Variants in AMER1 observed in about 807,000 individuals in gnomAD.
The protein encoded by AMER1 is APC membrane recruitment protein 1, also known as RP11-403E24.2.
A neutral mutation model predicts 53.0 loss-of-function variants in AMER1; 16 were observed. The observed-to-expected ratio is 0.30, with a 90% CI of 0.20 to 0.46. The LOEUF (loss-of-function observed/expected upper bound fraction) is 0.46, where lower values mean the gene tolerates loss of function less well. Ranked by LOEUF, AMER1 falls within the 20% of genes least tolerant of loss-of-function variation. The probability of loss-of-function intolerance (pLI) is 1.00; values close to 1 mark genes in which losing one functional copy is unlikely to be tolerated. For missense variants in AMER1, 947 were observed against 884.9 expected, an observed-to-expected ratio of 1.07 and a Z score of -0.89; for synonymous variants, 354 against 331.9, an observed-to-expected ratio of 1.07 and a Z score of -0.73.
chrX:64,194,013 C>CACAAA (rs1194951359), intron 1 of AMER1, among the ~76,000 whole-genome samples: 7 of 111,956 alleles, frequency 6.3e-5, no homozygotes, highest in African/African-American at 2.0e-4. Flanking sequence ...CTCACACATC[C>CACAAA]ACAAAGTAGG....
intron 1 of AMER1, among the ~76,000 whole-genome samples, chrX:64,203,267 A>G (rs1384880943): frequency 1.8e-5 from 2 of 111,202 alleles, no homozygotes; most frequent in Non-Finnish European, 1.9e-5. Context: ...CTTCTAATCC[A>G]TCCTCATTAG....
In AMER1 at chrX:64,192,224, C is replaced by T. The variant is rs1930265171; in HGVS notation, c.1063G>A (p.Gly355Arg). ...ACCAGGCAGGAACTTCGCTTGGTCC[C>T]ATCTCGGTTTGCTCTCTGGCCCCCA... Reference protein sequence around the residue: ...ASGGQRANRDGTKRSSCLVTY... With the variant: ...ASGGQRANRDRTKRSSCLVTY... Residue 355 changes from glycine to arginine, a missense_variant, in exon 2 of 2, where the codon GGG (glycine) becomes AGG (arginine). Transcript: ENST00000374869. The T allele has an allele frequency of 8.3e-7, 1 of 1,210,584 alleles. No individual in the cohort carries two copies. The highest frequency in any genetic ancestry group is 2.2e-5 in the Admixed American group (1 of 45,893).
At chrX:64,193,547 G>A (rs1930305545) in intron 1 of AMER1, among the ~76,000 whole-genome samples, 163 bp from the exon 2 acceptor site, 1 of 111,940 alleles carries the variant, frequency 8.9e-6, no homozygotes, top group Non-Finnish European at 1.9e-5. Context: ...GGCTTGCTGG[G>A]CCAGCTCTCT....
chrX:64,191,570 G>A lies in AMER1; in HGVS notation c.1717C>T (p.Leu573Phe), dbSNP rs2147087589. 8.2e-7 allele frequency: 1 copy of A among 1,212,351 alleles called. No homozygotes were observed. Among genetic ancestry groups the A allele is most frequent in the Non-Finnish European group, 1.1e-6 (1 of 895,672 alleles). Reference sequence around the variant, plus strand: ...TGGGCCTCAAGCTGCTCCCGCCGAAGCTCCCAATACAACAACTGTTTCTGG... The same window carrying A: ...TGGGCCTCAAGCTGCTCCCGCCGAAACTCCCAATACAACAACTGTTTCTGG... The part of the protein sequence containing the change: ...TIQKQLLYWE[L>F]RREQLEAQEA... Residue 573 changes from leucine (L) to phenylalanine (F), a missense_variant, in exon 2 of 2, where the codon CTT (leucine) becomes TTT (phenylalanine). Physicochemically the swap from Leu to Phe is conservative, Grantham distance 22. Transcript: ENST00000374869.
chrX:64,193,451 T>G (rs1930303110), intron 1 of AMER1, 67 bp from the exon 2 acceptor site: 3 of 755,110 alleles, frequency 4.0e-6, no homozygotes, highest in Non-Finnish European at 3.9e-6. Context: ...AGGCTGGGTT[T>G]GCTTTCACCG....
In AMER1 at chrX:64,189,514, G is replaced by GTGTGTGTGTGTGTGTGTATA. The variant is rs1205241247; in HGVS notation, c.*364_*365insTATACACACACACACACACA. ...TGTGTGTGTGTGTGTGTGTGTGTGT[G>GTGTGTGTGTGTGTGTGTATA]TATATATATATATATATATATATAT... On this transcript the variant is annotated 3_prime_UTR_variant, in exon 2 of 2. Transcript: ENST00000374869. 3.6e-5 allele frequency: 1 copy of GTGTGTGTGTGTGTGTGTATA among 28,071 alleles called. No individual in the cohort carries two copies. Among genetic ancestry groups the GTGTGTGTGTGTGTGTGTATA allele is most frequent in the African/African-American group, 1.7e-4 (1 of 5,948 alleles). The allele number at this position is 28,071 out of a possible 1,213,427, so 2.3% of individuals were successfully genotyped here.
At chrX:64,201,195 A>G (rs772734025) in intron 1 of AMER1, among the ~76,000 whole-genome samples, 4 of 110,985 alleles carry the variant, frequency 3.6e-5, no homozygotes, top group African/African-American at 1.3e-4. Context: ...TGGAGGGAGC[A>G]ACATACTCTT....
At position 64,189,937 on chromosome X, in the gene AMER1, C is replaced by T. The variant is rs1930204514; in HGVS notation, c.3350G>A (p.Gly1117Asp). The change falls in exon 2 of 2, where the codon GGT (glycine) becomes GAT (aspartate). Residue 1117 changes from glycine (G) to aspartate (D), a missense_variant. Transcript: ENST00000374869. ...LDLSKERAEQGASLATSYSST... is the reference protein window; with the variant it reads ...LDLSKERAEQDASLATSYSST... ...GGAGTAGCTGGTGGCAAGAGAGGCA[C>T]CTTGCTCAGCCCTCTCCTTTGACAG... 8.3e-7 allele frequency: 1 copy of T among 1,206,181 alleles called. No homozygotes were observed. The highest frequency in any genetic ancestry group is 1.1e-6 in the Non-Finnish European group (1 of 892,965).
intron 1 of AMER1, 144 bp from the exon 2 acceptor site, chrX:64,193,528 G>T: frequency 2.2e-6 from 1 of 455,591 alleles, no homozygotes; most frequent in Non-Finnish European, 3.8e-6. Flanking sequence ...TAATCCACTC[G>T]ATATGCTTGG....
rs2147083805 is a variant in AMER1, at chrX:64,189,886, G to T, written c.3401C>A (p.Ala1134Asp). The T allele has an allele frequency of 4.5e-6, 5 of 1,122,619 alleles. No homozygotes were observed. Among genetic ancestry groups the T allele is most frequent in the Non-Finnish European group, 5.9e-6 (5 of 842,610 alleles). 92.5% of individuals were successfully genotyped at this position (1,122,619 alleles called of 1,213,427 possible). The change falls in exon 2 of 2, where the codon GCC (alanine) becomes GAC (aspartate). Residue 1134 changes from alanine (A) to aspartate (D), a missense_variant. Transcript: ENST00000374869. ...YSSTAMNGNL[A>D]K ...CTCCAGAATTGATAATAACTACTTGGCTAGGTTTCCATTCATGGCAGTGGA... is the reference window on the plus strand; with the variant it reads ...CTCCAGAATTGATAATAACTACTTGTCTAGGTTTCCATTCATGGCAGTGGA...
chrX:64,198,836 C>A (rs1930429967), intron 1 of AMER1, among the ~76,000 whole-genome samples: 1 of 112,018 alleles, frequency 8.9e-6, no homozygotes, highest in Non-Finnish European at 1.9e-5. Flanking sequence ...CTCTACTCCC[C>A]TTTTCCTTAA....
rs761248346 is a variant in AMER1, at chrX:64,191,649, C to T, written c.1638G>A (p.Leu546=). The T allele has an allele frequency of 8.3e-7, 1 of 1,212,108 alleles. No homozygotes were observed. The highest frequency in any genetic ancestry group is 1.1e-6 in the Non-Finnish European group (1 of 895,577). ...FDPFLNFEPF[L]SSRPPGAMET... ...CCATTGCCCCAGGTGGCCGGGAGGA[C>T]AAAAAGGGCTCAAAGTTTAAGAAGG... The change falls in exon 2 of 2, where the codon TTG becomes TTA. Residue 546 remains leucine, a synonymous_variant. Transcript: ENST00000374869.
chrX:64,196,103 C>G (rs897338727), intron 1 of AMER1, among the ~76,000 whole-genome samples: 3 of 112,124 alleles, frequency 2.7e-5, no homozygotes, highest in Non-Finnish European at 5.6e-5. Flanking sequence ...CTTGCCCTTG[C>G]TCCTATGCTC....
Position 64,192,597 on chromosome X carries a change from G to A in AMER1, c.690C>T (p.Asn230=). Residue 230 remains asparagine, a synonymous_variant, in exon 2 of 2, where the codon AAC becomes AAT. Coordinates refer to ENST00000374869, the MANE Select transcript of AMER1 (RefSeq NM_152424.4). ...CTTTTGGCCCAGGGGCATCTTGGGGGTTAGCATTTTCCTTTCTAGGGGCTT... is the reference window on the plus strand; with the variant it reads ...CTTTTGGCCCAGGGGCATCTTGGGGATTAGCATTTTCCTTTCTAGGGGCTT... ...TFQAPRKENA[N]PQDAPGPKVS... is the part of the protein sequence containing the mutation. The A allele has an allele frequency of 8.4e-7, 1 of 1,184,229 alleles. No individual in the cohort carries two copies. The highest frequency in any genetic ancestry group is 1.1e-6 in the Non-Finnish European group (1 of 885,673).
In AMER1 at chrX:64,189,208, T is replaced by C; in HGVS notation, c.*671A>G. 3 of 799,670 alleles carry C rather than the reference T, an allele frequency of 3.8e-6. No individual in the cohort carries two copies. The highest frequency in any genetic ancestry group is 4.5e-6 in the Non-Finnish European group (3 of 667,208). 65.9% of individuals were successfully genotyped at this position (799,670 alleles called of 1,213,427 possible). On this transcript the variant is annotated 3_prime_UTR_variant, in exon 2 of 2. Coordinates refer to ENST00000374869, the MANE Select transcript of AMER1 (RefSeq NM_152424.4). ...CTACTTGATCCTCTCTAAGGACAGC[T>C]AGCTGGGATGAATAGCTTATAGTCA...
Position 64,189,538 on chromosome X carries a change from A to ATATATATAT in AMER1, c.*332_*340dup, listed in dbSNP as rs1930190833. On this transcript the variant is annotated 3_prime_UTR_variant, in exon 2 of 2. Transcript: ENST00000374869. ...TGTATATATATATATATATATATATATATATATATATATATATATAATCAC... is the reference window on the plus strand; with the variant it reads ...TGTATATATATATATATATATATATATATATATATTATATATATATATATATATAATCAC... 9.0e-6 allele frequency: 1 copy of ATATATATAT among 111,409 alleles called. No homozygotes were observed. Among genetic ancestry groups the ATATATATAT allele is most frequent in the African/African-American group, 7.9e-5 (1 of 12,673 alleles). The allele number at this position is 111,409 out of a possible 1,213,427, so 9.2% of individuals were successfully genotyped here.
chrX:64,188,336 AT>A lies in AMER1; in HGVS notation c.*1542del, dbSNP rs1930149511. On this transcript the variant is annotated 3_prime_UTR_variant, in exon 2 of 2. Coordinates refer to ENST00000374869, the MANE Select transcript of AMER1 (RefSeq NM_152424.4). ...TAAAAGGAACCCTCTCCTACAGGTG[AT>A]TAATGAGAGGTTGAGCTTGGCAAGA... 7 of 802,676 alleles carry A rather than the reference AT, an allele frequency of 8.7e-6. No homozygotes were observed. In the East Asian group the frequency reaches 5.0e-4, roughly 58 times the overall value. The allele number at this position is 802,676 out of a possible 1,213,427, so 66.1% of individuals were successfully genotyped here. A position where few individuals can be genotyped will look rare whatever the true frequency, so the allele number is the denominator to read the frequency against.
At chrX:64,201,984 A>C (rs192869138) in intron 1 of AMER1, among the ~76,000 whole-genome samples, 1 of 111,888 alleles carries the variant, frequency 8.9e-6, no homozygotes, top group Non-Finnish European at 1.9e-5. Flanking sequence ...CTACAGGTGC[A>C]AACCACCACA....
rs2147091167 is a variant in AMER1 at position 64,193,127 on chromosome X, T to G, written c.160A>C (p.Lys54Gln). The G allele has an allele frequency of 8.2e-7, 1 of 1,212,136 alleles. No individual in the cohort carries two copies. The highest frequency in any genetic ancestry group is 1.1e-6 in the Non-Finnish European group (1 of 895,651). The change falls in exon 2 of 2, where the codon AAA (lysine) becomes CAA (glutamine). Residue 54 changes from lysine (K) to glutamine (Q), a missense_variant. By Grantham distance (53) the Lys-to-Gln change is moderately conservative. Coordinates refer to ENST00000374869, the MANE Select transcript of AMER1 (RefSeq NM_152424.4). ...CCACCAAAGAGTTTCATGGCAGTTT[T>G]CTTCAGCCTACCTGGGCCGGATGAG... ...PSSSGPGRLK[K>Q]TAMKLFGGKK...
Sources: allele counts gnomAD v4.1 joint callset (sites outside exome capture counted in the v4.1 genomes callset), GRCh38; gene constraint gnomAD v4.1.1; transcripts MANE v1.5; gene names NCBI Gene and HGNC (gene_info 2026-07-23, HGNC 2026-07-21).